SYN1: variants seen among roughly 807,000 people sequenced by gnomAD.
The protein encoded by SYN1 is synapsin I.
SYN1 carries 8 observed loss-of-function variants against 44.6 expected under a neutral mutation model. The ratio of observed to expected loss-of-function variants is 0.18; its 90% CI spans 0.11 to 0.32. The LOEUF (loss-of-function observed/expected upper bound fraction) is 0.32, where lower values mean the gene tolerates loss of function less well. Ranked by LOEUF, SYN1 falls within the 10% of genes least tolerant of loss-of-function variation. The pLI is 1.00. For synonymous variants in SYN1, 275 were observed against 280.1 expected, an observed-to-expected ratio of 0.98 and a Z score of 0.18; for missense variants, 451 against 639.4, an observed-to-expected ratio of 0.71 and a Z score of 3.18.
chrX:47,576,762 G>A, intron 6 of SYN1, 122 bp from the exon 7 acceptor site: 4 of 930,135 alleles, frequency 4.3e-6, no homozygotes, highest in Non-Finnish European at 6.1e-6. Flanking sequence ...AAATTAGGTG[G>A]ACATGCCAAG....
chrX:47,573,220 C>T (rs1019415087), intron 12 of SYN1, among the ~76,000 whole-genome samples: 9 of 111,528 alleles, frequency 8.1e-5, no homozygotes, highest in African/African-American at 2.9e-4. Flanking sequence ...GCCAGGGAGG[C>T]GAGATCTGGG....
chrX:47,605,657 C>T (rs1168420667), intron 3 of SYN1, among the ~76,000 whole-genome samples: 1 of 111,218 alleles, frequency 9.0e-6, no homozygotes, highest in Non-Finnish European at 1.9e-5. Context: ...GTCACCATCT[C>T]TCAGACTGCA....
chrX:47,583,313 C>G (rs1273807747), intron 5 of SYN1: 6 of 774,096 alleles, frequency 7.8e-6, no homozygotes, highest in Admixed American at 3.0e-5. Flanking sequence ...CTAATCCCCC[C>G]CATAGGCTGC....
chrX:47,577,861 G>A (rs1178093738), intron 5 of SYN1, among the ~76,000 whole-genome samples: 1 of 99,330 alleles, frequency 1.0e-5, no homozygotes, highest in Non-Finnish European at 2.0e-5. Context: ...GTGCCAGTGC[G>A]TGTGTGTGGG....
intron 12 of SYN1, 59 bp from the exon 13 acceptor site, chrX:47,573,058 G>T (rs2057765069): frequency 8.5e-7 from 1 of 1,183,405 alleles, no homozygotes; most frequent in Non-Finnish European, 1.1e-6. Flanking sequence ...GGAGGAAGGG[G>T]AGAGAAACAC....
In SYN1 at chrX:47,588,910, G is replaced by A. The variant is rs182264821; in HGVS notation, c.775-11409C>T. On this transcript the variant is annotated intron_variant, in intron 5 of 12. Transcript: ENST00000295987. ...CTTCTCGCCATGTTTAAACATGGAC[G>A]TCACAGTCCTGGCCCAGAATCCTTC... 1.3e-4 allele frequency among the ~76,000 whole-genome samples: 14 copies of A among 111,263 alleles called. No individual in the cohort carries two copies. In the East Asian group the frequency reaches 2.8e-3, roughly 23 times the overall value.
At chrX:47,612,366 G>A (rs1460792831) in intron 1 of SYN1, among the ~76,000 whole-genome samples, 1 of 110,379 alleles carries the variant, frequency 9.1e-6, no homozygotes, top group Non-Finnish European at 1.9e-5. Flanking sequence ...ATAAAGTCAG[G>A]TGGGCCCAGC....
chrX:47,575,900 GCA>G (rs747475809), intron 9 of SYN1, among the ~76,000 whole-genome samples: 226 of 112,276 alleles, frequency 2.0e-3, no homozygotes, highest in African/African-American at 7.0e-3. Context: ...GATTCGCAGA[GCA>G]CTAAACAATC....
In SYN1 at chrX:47,586,395, A is replaced by G. The variant is rs745619160; in HGVS notation, c.775-8894T>C. ...TCAATGGGAGGGGCTGTCCTGGGGT[A>G]TGTACTTAGGTGGGGTGAGAGCAAG... On this transcript the variant is annotated intron_variant, in intron 5 of 12. Coordinates refer to ENST00000295987, the MANE Select transcript of SYN1 (RefSeq NM_006950.3). 13 of 1,099,896 alleles carry G rather than the reference A, an allele frequency of 1.2e-5. No individual in the cohort carries two copies. In the South Asian group the frequency reaches 2.5e-4, roughly 21 times the overall value. 90.6% of individuals were successfully genotyped at this position (1,099,896 alleles called of 1,213,427 possible). A position where few individuals can be genotyped will look rare whatever the true frequency, so the allele number is the denominator to read the frequency against.
intron 5 of SYN1, among the ~76,000 whole-genome samples, chrX:47,604,064 CGCCGG>C (rs1255314607): frequency 9.4e-6 from 1 of 106,276 alleles, no homozygotes; most frequent in Admixed American, 1.0e-4. Context: ...TGCACCACCA[CGCCGG>C]GCTAATTTTG....
chrX:47,579,186 A>G lies in SYN1; in HGVS notation c.775-1685T>C, dbSNP rs189296685. On this transcript the variant is annotated intron_variant, in intron 5 of 12. Coordinates refer to ENST00000295987, the MANE Select transcript of SYN1 (RefSeq NM_006950.3). Reference sequence around the variant, plus strand: ...ACACACCAGAGAGCTGTGCGTACACACCCATACCTCCCCCAACAACCCTGA... The same window carrying G: ...ACACACCAGAGAGCTGTGCGTACACGCCCATACCTCCCCCAACAACCCTGA... Among the ~76,000 whole-genome samples the G allele has an allele frequency of 2.9e-4, 32 of 111,107 alleles. No individual in the cohort carries two copies. In the East Asian group the frequency reaches 5.7e-3, roughly 20 times the overall value.
chrX:47,594,141 G>A (rs771463541), intron 5 of SYN1, among the ~76,000 whole-genome samples: 2 of 110,047 alleles, frequency 1.8e-5, no homozygotes, highest in South Asian at 7.9e-4. Context: ...GGCTGAGGTG[G>A]GAAGGTTGCT....
At chrX:47,586,025 T>C (rs1308870510) in intron 5 of SYN1, 1 of 987,916 alleles carries the variant, frequency 1.0e-6, no homozygotes, top group Non-Finnish European at 1.3e-6. Flanking sequence ...CTAATCCCAC[T>C]GACCCTTCCT....
At chrX:47,581,399 C>A (rs1318749207) in intron 5 of SYN1, among the ~76,000 whole-genome samples, 2 of 112,250 alleles carry the variant, frequency 1.8e-5, no homozygotes, top group Admixed American at 9.4e-5. Context: ...CCCCACCCCC[C>A]ACCAGGGGTA....
intron 5 of SYN1, among the ~76,000 whole-genome samples, chrX:47,602,452 G>A (rs1419959810): frequency 9.0e-6 from 1 of 111,551 alleles, no homozygotes; most frequent in Admixed American, 9.5e-5. Flanking sequence ...GACCATGCTG[G>A]CCAACATGGT....
chrX:47,600,083 T>C (rs1395176823), intron 5 of SYN1, among the ~76,000 whole-genome samples: 1 of 112,205 alleles, frequency 8.9e-6, no homozygotes, highest in African/African-American at 3.2e-5. Flanking sequence ...ACAAAATATA[T>C]GAAATAAAAA....
At chrX:47,614,580 G>T (rs911935494) in intron 1 of SYN1, among the ~76,000 whole-genome samples, 4 of 112,054 alleles carry the variant, frequency 3.6e-5, no homozygotes, top group Non-Finnish European at 3.8e-5. Flanking sequence ...TTCCCCAATG[G>T]GGTGAACTTA....
chrX:47,590,323 C>A (rs979167767), intron 5 of SYN1: 1 of 111,462 alleles, frequency 9.0e-6, no homozygotes, highest in Admixed American at 9.5e-5. Context: ...GGCCAGCCAA[C>A]CTGTCCCCAC....
intron 5 of SYN1, among the ~76,000 whole-genome samples, chrX:47,592,487 T>C (rs113321548): frequency 0.011 from 1,186 of 111,809 alleles, 6 homozygotes; most frequent in Non-Finnish European, 0.017. Context: ...TCTTGCATGT[T>C]CGCTTTTCCA....
Sources: gnomAD v4.1 joint callset for allele counts (sites outside exome capture counted in the v4.1 genomes callset) on GRCh38, gnomAD v4.1.1 for gene constraint, MANE v1.5 for transcripts, NCBI Gene and HGNC (gene_info 2026-07-23, HGNC 2026-07-21) for gene names.